The following ESRRG variants were observed in gnomAD, a reference collection of about 807,000 sequenced individuals.
The protein encoded by ESRRG is estrogen related receptor gamma.
ESRRG carries 13 observed loss-of-function variants against 44.0 expected under a neutral mutation model. That is an observed-to-expected ratio of 0.30 (90% CI 0.19 to 0.47). The LOEUF (loss-of-function observed/expected upper bound fraction) is 0.47, where lower values mean the gene tolerates loss of function less well. Ranked by LOEUF, ESRRG falls within the 20% of genes least tolerant of loss-of-function variation. ESRRG has a pLI of 1.00. For missense variants in ESRRG, 395 were observed against 580.6 expected (o/e 0.68, Z 3.29); for synonymous variants, 215 against 214.6 (o/e 1.00, Z -0.02).
chr1:216,958,198 G>T (rs541353253), intron 1 of ESRRG, among the ~76,000 whole-genome samples: 1 of 152,268 alleles, frequency 6.6e-6, no homozygotes, highest in Non-Finnish European at 1.5e-5. Flanking sequence ...ATTTGGGGTT[G>T]TTTCACACAT....
intron 5 of ESRRG, among the ~76,000 whole-genome samples, chr1:216,563,562 A>G (rs2059163579): frequency 6.6e-6 from 1 of 152,196 alleles, no homozygotes; most frequent in Non-Finnish European, 1.5e-5. Context: ...AAACAAATAA[A>G]AAATAATTCA....
intron 1 of ESRRG, among the ~76,000 whole-genome samples, chr1:216,941,764 A>G (rs2065260756): frequency 6.6e-6 from 1 of 152,238 alleles, no homozygotes; most frequent in South Asian, 2.1e-4. Context: ...GAATGGGGGG[A>G]AAAAGATTGT....
rs944334249 is a variant in ESRRG, at chr1:216,818,744, T to G, written c.-14+120838A>C. On this transcript the variant is annotated intron_variant, in intron 2 of 7. Transcript: ENST00000359162. ...ATTAAGCCCAGCAACTATTAGCTAT[T>G]CTTCCAGATGCTCTCACTTCCTCCC... 2.6e-5 allele frequency among the ~76,000 whole-genome samples: 4 copies of G among 152,120 alleles called. No homozygotes were observed. The East Asian group carries it at 7.7e-4, about 29-fold the overall frequency.
chr1:216,703,677 GTGTGTGTATGTT>G (rs750336885), intron 1 of ESRRG, among the ~76,000 whole-genome samples: 176 of 127,236 alleles, frequency 1.4e-3, no homozygotes, highest in Admixed American at 2.7e-3. Context: ...GTGTGTGTGT[GTGTGTGTATGTT>G]TGTGTGTGTA....
chr1:216,589,903 C>CAAAAAAAAAAAA, intron 3 of ESRRG, among the ~76,000 whole-genome samples: 1 of 32,236 alleles, frequency 3.1e-5, no homozygotes, highest in Non-Finnish European at 5.1e-5. Flanking sequence ...AACTCTGTCT[C>CAAAAAAAAAAAA]AAAAAAAAAA....
At chr1:217,068,825 A>G (rs1284821211) in intron 1 of ESRRG, among the ~76,000 whole-genome samples, 2 of 152,176 alleles carry the variant, frequency 1.3e-5, no homozygotes, top group Non-Finnish European at 1.5e-5. Context: ...CCGCCTTCCA[A>G]TCATTCTTCT....
chr1:216,508,727 A>T (rs1013902764), intron 6 of ESRRG, among the ~76,000 whole-genome samples: 2 of 152,214 alleles, frequency 1.3e-5, no homozygotes, highest in Non-Finnish European at 2.9e-5. Flanking sequence ...AAAAACATTC[A>T]TAGAGATGAT....
intron 2 of ESRRG, among the ~76,000 whole-genome samples, chr1:216,847,539 A>T (rs1283898200): frequency 1.3e-5 from 2 of 152,042 alleles, no homozygotes; most frequent in Admixed American, 1.3e-4. Context: ...ACACCAACAC[A>T]TCCTTTCTCG....
chr1:216,936,865 C>T (rs916591562), intron 2 of ESRRG, among the ~76,000 whole-genome samples: 11 of 152,168 alleles, frequency 7.2e-5, no homozygotes, highest in African/African-American at 2.6e-4. Context: ...CCACCTTGCA[C>T]CCTTTCTGAA....
chr1:216,732,103 T>G (rs1219341601), intron 2 of ESRRG, among the ~76,000 whole-genome samples: 3 of 114,262 alleles, frequency 2.6e-5, no homozygotes, highest in Non-Finnish European at 5.6e-5. Context: ...AAAAAGAAAA[T>G]AAAAAATAAA....
chr1:216,723,150 C>CATT lies in ESRRG; in HGVS notation c.56+91_56+93dup. The CATT allele has an allele frequency of 4.8e-6, 5 of 1,041,736 alleles. No individual in the cohort carries two copies. In the Middle Eastern group the frequency reaches 8.2e-4, roughly 170 times the overall value. The allele number at this position is 1,041,736 out of a possible 1,614,324, so 64.5% of individuals were successfully genotyped here. On this transcript the variant is annotated intron_variant, in intron 1 of 6. Coordinates refer to ENST00000408911, the MANE Select transcript of ESRRG (RefSeq NM_001438.4). Reference sequence around the variant, plus strand: ...AGTCGTGCACACAAAATACCCAGGGCATTACCTGAATCAGTGTGTAAAGAT... The same window carrying CATT: ...AGTCGTGCACACAAAATACCCAGGGCATTATTACCTGAATCAGTGTGTAAAGAT...
intron 2 of ESRRG, among the ~76,000 whole-genome samples, chr1:216,909,304 C>A (rs185576347): frequency 6.4e-4 from 98 of 152,214 alleles, no homozygotes; most frequent in African/African-American, 2.3e-3. Context: ...TCACCAAGAC[C>A]TCTACAGCCC....
At chr1:217,122,449 G>C (rs1167581185) in intron 1 of ESRRG, among the ~76,000 whole-genome samples, 1 of 152,060 alleles carries the variant, frequency 6.6e-6, no homozygotes, top group African/African-American at 2.4e-5. Flanking sequence ...GGCCTGTAAT[G>C]ATACCTGTAT....
At chr1:216,659,027 T>A (rs1439330354) in intron 2 of ESRRG, among the ~76,000 whole-genome samples, 1 of 152,188 alleles carries the variant, frequency 6.6e-6, no homozygotes, top group Non-Finnish European at 1.5e-5. Context: ...TTACCCTCAG[T>A]CTGCTAAAGT....
intron 2 of ESRRG, among the ~76,000 whole-genome samples, chr1:216,925,095 G>T (rs1578212176): frequency 6.6e-6 from 1 of 152,124 alleles, no homozygotes; most frequent in Non-Finnish European, 1.5e-5. Flanking sequence ...GGGAGACAAA[G>T]GTTTGGGGAC....
intron 2 of ESRRG, among the ~76,000 whole-genome samples, chr1:216,908,403 C>T (rs1305822633): frequency 6.6e-6 from 1 of 152,168 alleles, no homozygotes; most frequent in East Asian, 1.9e-4. Context: ...CTAGGATAGT[C>T]TGGGATTCTC....
intron 1 of ESRRG, among the ~76,000 whole-genome samples, chr1:216,994,884 C>G (rs1047188657): frequency 6.6e-6 from 1 of 152,152 alleles, no homozygotes; most frequent in Non-Finnish European, 1.5e-5. Context: ...CGTGCCCGGC[C>G]CCGTCCAACA....
chr1:216,969,764 T>C (rs1355444798), intron 1 of ESRRG, among the ~76,000 whole-genome samples: 1 of 152,088 alleles, frequency 6.6e-6, no homozygotes, highest in African/African-American at 2.4e-5. Context: ...TTTGTATTTT[T>C]AGTAGAGACA....
At chr1:216,601,464 G>C (rs2059249319) in intron 3 of ESRRG, among the ~76,000 whole-genome samples, 1 of 152,222 alleles carries the variant, frequency 6.6e-6, no homozygotes, top group South Asian at 2.1e-4. Flanking sequence ...GTGCGGATAA[G>C]ACTTAACACA....
Sources: allele counts gnomAD v4.1 joint callset (sites outside exome capture counted in the v4.1 genomes callset), GRCh38; gene constraint gnomAD v4.1.1; transcripts MANE v1.5; gene names NCBI Gene and HGNC (gene_info 2026-07-23, HGNC 2026-07-21).